Variants in KIAA1586 observed in about 807,000 individuals in gnomAD.
KIAA1586 encodes E3 SUMO-protein ligase KIAA1586.
A neutral mutation model predicts 6.1 loss-of-function variants in KIAA1586; 5 were observed. That is an observed-to-expected ratio of 0.82 (90% CI 0.43 to 1.73). The LOEUF (loss-of-function observed/expected upper bound fraction) is 1.73. Ranked by LOEUF, KIAA1586 falls within the 40% of genes most tolerant of loss-of-function variation. KIAA1586 has a pLI of 0.02. For missense variants in KIAA1586, 899 were observed against 878.2 expected (o/e 1.02, Z -0.30); for synonymous variants, 280 against 301.7 (o/e 0.93, Z 0.75).
chr6:57,065,340 G>C, the KIAA1586 span, among the ~76,000 whole-genome samples: 1 of 152,138 alleles, frequency 6.6e-6, no homozygotes, highest in Non-Finnish European at 1.5e-5. Context: ...TCATACCAAA[G>C]AGGTATATCC....
In KIAA1586 at chr6:57,050,932, A is replaced by G. The variant is rs1593047957; in HGVS notation, c.186+78A>G. ...TGTTGGTGGTAGCTTGAACTGGATCATAAGAACTAATTGTTGGCCAGGCAC... is the reference window on the plus strand; with the variant it reads ...TGTTGGTGGTAGCTTGAACTGGATCGTAAGAACTAATTGTTGGCCAGGCAC... On this transcript the variant is annotated intron_variant, in intron 3 of 3. Transcript: ENST00000370733. 11 of 1,060,296 alleles carry G rather than the reference A, an allele frequency of 1.0e-5. No individual in the cohort carries two copies. The East Asian group carries it at 1.7e-4, about 16-fold the overall frequency. The allele number at this position is 1,060,296 out of a possible 1,614,324, so 65.7% of individuals were successfully genotyped here.
Position 57,054,974 on chromosome 6 carries a change from C to A in KIAA1586, c.*111C>A. ...CAGTTAAACTTTTATCAGCATGTTG[C>A]TGTTTAAAAGGCGTTCTTTAAGAAG... On this transcript the variant is annotated 3_prime_UTR_variant, in exon 4 of 4. Transcript: ENST00000370733. 1 of 1,237,120 alleles carries A rather than the reference C, an allele frequency of 8.1e-7. No individual in the cohort carries two copies. The highest frequency in any genetic ancestry group is 1.1e-6 in the Non-Finnish European group (1 of 920,180). The allele number at this position is 1,237,120 out of a possible 1,614,324, so 76.6% of individuals were successfully genotyped here.
chr6:57,056,693 C>T (rs1828504718), downstream of KIAA1586, among the ~76,000 whole-genome samples: 1 of 151,818 alleles, frequency 6.6e-6, no homozygotes. Flanking sequence ...CATGCCACCA[C>T]ACCCAGCTAG....
downstream of KIAA1586, among the ~76,000 whole-genome samples, chr6:57,057,255 T>C (rs1259568285): frequency 1.3e-5 from 2 of 151,258 alleles, no homozygotes; most frequent in Non-Finnish European, 2.9e-5. Flanking sequence ...ACAAGGCCTT[T>C]AGTTAAGCAC....
the KIAA1586 span, among the ~76,000 whole-genome samples, chr6:57,065,435 A>G: frequency 6.6e-6 from 1 of 151,164 alleles, no homozygotes; most frequent in Non-Finnish European, 1.5e-5. Context: ...GGCTGTTTTA[A>G]TGTTTTAATC....
At chr6:57,064,032 C>G in the KIAA1586 span, among the ~76,000 whole-genome samples, 1 of 152,300 alleles carries the variant, frequency 6.6e-6, no homozygotes, top group African/African-American at 2.4e-5. Flanking sequence ...ACATCAGTAA[C>G]ACTGCTGGGC....
the KIAA1586 span, among the ~76,000 whole-genome samples, chr6:57,062,772 C>T: frequency 1.3e-5 from 2 of 152,052 alleles, no homozygotes; most frequent in Non-Finnish European, 2.9e-5. Context: ...TTTTTGTGGC[C>T]GAGCATGGTG....
chr6:57,050,742 A>G lies in KIAA1586; in HGVS notation c.106-32A>G, dbSNP rs374768907. 4.9e-6 allele frequency: 7 copies of G among 1,441,584 alleles called. No individual in the cohort carries two copies. In the Admixed American group the frequency reaches 5.4e-5, roughly 11 times the overall value. 89.3% of individuals were successfully genotyped at this position (1,441,584 alleles called of 1,614,324 possible). A position where few individuals can be genotyped will look rare whatever the true frequency, so the allele number is the denominator to read the frequency against. ...TTAAGTTTAATTGGAATGATTGTTC[A>G]TGACTTGTAAATTTGCCCACTTCCT... On this transcript the variant is annotated intron_variant, in intron 2 of 3. Transcript: ENST00000370733.
At chr6:57,062,421 AT>A in the KIAA1586 span, among the ~76,000 whole-genome samples, 1 of 152,158 alleles carries the variant, frequency 6.6e-6, no homozygotes, top group Non-Finnish European at 1.5e-5. Context: ...AATCAATATA[AT>A]TTTTAGGATT....
At chr6:57,048,747 A>G (rs1828246756) in intron 2 of KIAA1586, among the ~76,000 whole-genome samples, 1 of 152,188 alleles carries the variant, frequency 6.6e-6, no homozygotes, top group South Asian at 2.1e-4. Flanking sequence ...GTGCATCTGT[A>G]TGTAGAAGTG....
chr6:57,061,555 G>T, the KIAA1586 span, among the ~76,000 whole-genome samples: 2 of 151,968 alleles, frequency 1.3e-5, no homozygotes, highest in East Asian at 3.9e-4. Flanking sequence ...ATCATGCTCA[G>T]CTAATTTTTA....
chr6:57,064,015 G>C, the KIAA1586 span, among the ~76,000 whole-genome samples: 1 of 152,162 alleles, frequency 6.6e-6, no homozygotes, highest in African/African-American at 2.4e-5. Context: ...GACATGTGCC[G>C]TGTAAGACAT....
At chr6:57,061,284 C>T in the KIAA1586 span, among the ~76,000 whole-genome samples, 1 of 152,038 alleles carries the variant, frequency 6.6e-6, no homozygotes, top group Non-Finnish European at 1.5e-5. Flanking sequence ...CCATGTTCCA[C>T]CTTTTAATAT....
Position 57,055,008 on chromosome 6 carries a change from G to A in KIAA1586, c.*145G>A. 6.2e-6 allele frequency: 6 copies of A among 969,064 alleles called. No homozygotes were observed. Among genetic ancestry groups the A allele is most frequent in the Non-Finnish European group, 8.7e-6 (6 of 687,124 alleles). 60.0% of individuals were successfully genotyped at this position (969,064 alleles called of 1,614,324 possible). ...AGGCGTTCTTTAAGAAGATAATCTT[G>A]AAGATTGGTTTTAGAAGCTATAGTT... On this transcript the variant is annotated 3_prime_UTR_variant, in exon 4 of 4. Coordinates refer to ENST00000370733, the MANE Select transcript of KIAA1586 (RefSeq NM_020931.4).
At position 57,053,839 on chromosome 6, in the gene KIAA1586, T is replaced by G; in HGVS notation, c.1340T>G (p.Ile447Ser). Residue 447 changes from isoleucine (I) to serine (S), a missense_variant, in exon 4 of 4, where the codon ATT becomes AGT. By Grantham distance (142) the Ile-to-Ser change is moderately radical. Coordinates refer to ENST00000370733, the MANE Select transcript of KIAA1586 (RefSeq NM_020931.4). ...CATTTAAAAATATTTATTGATAAAATTTATTCTATTTATCATCAACCTAAT... is the reference window on the plus strand; with the variant it reads ...CATTTAAAAATATTTATTGATAAAAGTTATTCTATTTATCATCAACCTAAT... ...INHLKIFIDK[I>S]YSIYHQPNKN... 6.7e-7 allele frequency: 1 copy of G among 1,499,070 alleles called. No individual in the cohort carries two copies. The highest frequency in any genetic ancestry group is 9.0e-7 in the Non-Finnish European group (1 of 1,112,270). 92.9% of individuals were successfully genotyped at this position (1,499,070 alleles called of 1,614,324 possible).
chr6:57,050,276 A>T (rs1828285340), intron 2 of KIAA1586, among the ~76,000 whole-genome samples: 1 of 150,544 alleles, frequency 6.6e-6, no homozygotes. Flanking sequence ...TACTAGCAGG[A>T]ACAGTATTAC....
At position 57,053,506 on chromosome 6, in the gene KIAA1586, G is replaced by A. The variant is rs778620930; in HGVS notation, c.1007G>A (p.Cys336Tyr). 16 of 1,613,442 alleles carry A rather than the reference G, an allele frequency of 9.9e-6. No homozygotes were observed. Among genetic ancestry groups the A allele is most frequent in the African/African-American group, 1.3e-5 (1 of 74,898 alleles). Residue 336 changes from cysteine to tyrosine, a missense_variant, in exon 4 of 4, where the codon TGC becomes TAC. Coordinates refer to ENST00000370733, the MANE Select transcript of KIAA1586 (RefSeq NM_020931.4). ...ACCACCCTAGTGATTTATCTCCAGT[G>A]CACAATTCAGTCAGCTCCTGCACCT... ...KKTTLVIYLQ[C>Y]TIQSAPAPVM...
At position 57,052,814 on chromosome 6, in the gene KIAA1586, A is replaced by G; in HGVS notation, c.315A>G (p.Glu105=). 6 of 1,613,776 alleles carry G rather than the reference A, an allele frequency of 3.7e-6. No individual in the cohort carries two copies. The highest frequency in any genetic ancestry group is 5.1e-6 in the Non-Finnish European group (6 of 1,179,822). Residue 105 remains glutamate, a synonymous_variant, in exon 4 of 4, where the codon GAA becomes GAG. Transcript: ENST00000370733. ...KNHCRLSKAK[E]PHFEYIEQPI... ...ACTGCAGATTGTCTAAGGCAAAGGA[A>G]CCACATTTCGAGTATATTGAACAAC...
Position 57,053,588 on chromosome 6 carries a change from C to T in KIAA1586, c.1089C>T (p.Val363=). 6.2e-7 allele frequency: 1 copy of T among 1,610,094 alleles called. No homozygotes were observed. Residue 363 remains valine (V), a synonymous_variant, in exon 4 of 4, where the codon GTC becomes GTT. Coordinates refer to ENST00000370733, the MANE Select transcript of KIAA1586 (RefSeq NM_020931.4). The part of the protein sequence containing the change: ...ELVSTIAECI[V]NTLLTTLNDC... ...TGTCAACTATAGCAGAGTGTATTGT[C>T]AATACATTATTGACTACTTTAAATG...
Sources: allele counts gnomAD v4.1 joint callset (sites outside exome capture counted in the v4.1 genomes callset), GRCh38; gene constraint gnomAD v4.1.1; transcripts MANE v1.5; gene names NCBI Gene and HGNC (gene_info 2026-07-23, HGNC 2026-07-21).